The following GPD1L variants were observed in gnomAD, a reference collection of about 807,000 sequenced individuals.
GPD1L encodes the protein glycerol-3-phosphate dehydrogenase 1 like, also known as glycerol-3-phosphate dehydrogenase 1-like protein.
GPD1L carries 17 observed loss-of-function variants against 32.9 expected under a neutral mutation model. The ratio of observed to expected loss-of-function variants is 0.52; its 90% CI spans 0.35 to 0.78. GPD1L has a LOEUF of 0.78. Ranked by LOEUF, GPD1L falls within the 30% of genes least tolerant of loss-of-function variation. GPD1L has a pLI of 0.01. For synonymous variants in GPD1L, 187 were observed against 165.9 expected (o/e 1.13, Z -0.98); for missense variants, 361 against 447.8 (o/e 0.81, Z 1.75).
chr3:32,110,011 G>A (rs1374108817), intron 1 of GPD1L, among the ~76,000 whole-genome samples: 5 of 152,246 alleles, frequency 3.3e-5, no homozygotes, highest in Non-Finnish European at 4.4e-5. Context: ...TTCGCCTCGC[G>A]GGTTCACGCC....
In GPD1L at chr3:32,106,808, C is replaced by T. The variant is rs1473835466; in HGVS notation, c.47+50C>T. The T allele has an allele frequency of 1.3e-6, 2 of 1,527,824 alleles. No homozygotes were observed. The highest frequency in any genetic ancestry group is 4.0e-5 in the Admixed American group (2 of 50,626). The allele number at this position is 1,527,824 out of a possible 1,614,324, so 94.6% of individuals were successfully genotyped here. ...GGGGCTCCGCTTCCAGGAAGCGCCT[C>T]TCCCGGGCGGTGAGGGCTGCGCGCC... On this transcript the variant is annotated intron_variant, in intron 1 of 7. Coordinates refer to ENST00000282541, the MANE Select transcript of GPD1L (RefSeq NM_015141.4). The surrounding 1 kb of genome is among the most constrained non-coding windows in gnomAD (Gnocchi z 4.0).
At chr3:32,135,207 C>T (rs1252661882) in intron 2 of GPD1L, among the ~76,000 whole-genome samples, 1 of 152,116 alleles carries the variant, frequency 6.6e-6, no homozygotes, top group Non-Finnish European at 1.5e-5. Context: ...ACAGTAGGTC[C>T]AGAGGAATAG....
At position 32,128,273 on chromosome 3, in the gene GPD1L, T is replaced by A. The variant is rs375419819; in HGVS notation, c.225+20T>A. The A allele has an allele frequency of 1.6e-5, 26 of 1,600,448 alleles. No individual in the cohort carries two copies. The highest frequency in any genetic ancestry group is 1.3e-4 in the East Asian group (6 of 44,780). On this transcript the variant is annotated intron_variant, in intron 2 of 7. Transcript: ENST00000282541. Reference sequence around the variant, plus strand: ...AATGTGGTAAGACTTTGGGGTGAAATGTACATTGGTTCATTCTGCAAGTTG... The same window carrying A: ...AATGTGGTAAGACTTTGGGGTGAAAAGTACATTGGTTCATTCTGCAAGTTG...
chr3:32,122,016 G>A (rs1054990797), intron 1 of GPD1L, among the ~76,000 whole-genome samples: 9 of 151,842 alleles, frequency 5.9e-5, no homozygotes, highest in African/African-American at 1.5e-4. Flanking sequence ...TGATCTGCCC[G>A]CCTTGGCCTC....
intron 1 of GPD1L, among the ~76,000 whole-genome samples, chr3:32,118,049 T>A (rs549473987): frequency 6.6e-6 from 1 of 152,262 alleles, no homozygotes; most frequent in South Asian, 2.1e-4. Flanking sequence ...TTGAAGTAAG[T>A]ATCAACTAAA....
chr3:32,151,270 CTTAATATGCTCCATACACCCA>C, intron 5 of GPD1L: 1 of 591,620 alleles, frequency 1.7e-6, no homozygotes, highest in South Asian at 1.7e-5. Flanking sequence ...CAGCTCTTAG[CTTAATATGCTCCATACACCCA>C]TTAATTCTTG....
intron 1 of GPD1L, among the ~76,000 whole-genome samples, chr3:32,121,415 A>G (rs1270107023): frequency 6.6e-6 from 1 of 150,788 alleles, no homozygotes; most frequent in Non-Finnish European, 1.5e-5. Flanking sequence ...TAAGCCTCAG[A>G]GCTCCGCCCT....
rs116109542 is a variant in GPD1L, at chr3:32,109,882, C to T, written c.47+3124C>T. Among the ~76,000 whole-genome samples the T allele has an allele frequency of 5.7e-3, 867 of 152,344 alleles. 9 individuals carry two copies. Among genetic ancestry groups the T allele is most frequent in the African/African-American group, 0.02 (827 of 41,578 alleles). ...TGCCAAGTGGAATGGAGTAACTGCTCTGTTACACTTTAAATCGTGTTTCTT... is the reference window on the plus strand; with the variant it reads ...TGCCAAGTGGAATGGAGTAACTGCTTTGTTACACTTTAAATCGTGTTTCTT... On this transcript the variant is annotated intron_variant, in intron 1 of 7. Coordinates refer to ENST00000282541, the MANE Select transcript of GPD1L (RefSeq NM_015141.4).
chr3:32,159,226 G>A (rs555252364), intron 6 of GPD1L, 117 bp downstream of exon 6: 36 of 780,762 alleles, frequency 4.6e-5, no homozygotes, highest in African/African-American at 6.9e-5. Flanking sequence ...GGATTGTTCC[G>A]TTTGCCTGGC....
intron 1 of GPD1L, among the ~76,000 whole-genome samples, chr3:32,114,263 C>G (rs946050941): frequency 6.6e-6 from 1 of 152,214 alleles, no homozygotes; most frequent in Non-Finnish European, 1.5e-5. Flanking sequence ...CTTCAGCAGG[C>G]TAGCTTAGGC....
chr3:32,154,801 G>T (rs1416936840), intron 5 of GPD1L, among the ~76,000 whole-genome samples: 1 of 151,588 alleles, frequency 6.6e-6, no homozygotes, highest in Non-Finnish European at 1.5e-5. Context: ...AGGCTGGAGT[G>T]CAGTGGCATG....
Position 32,159,117 on chromosome 3 carries a change from C to G in GPD1L, c.852+8C>G. On this transcript the variant is annotated splice_region_variant and intron_variant, in intron 6 of 7. Coordinates refer to ENST00000282541, the MANE Select transcript of GPD1L (RefSeq NM_015141.4). ...TTCGCCAGAACTGGGAAGGTAGCCC[C>G]TCACCTGCTCTCCCGCACCCCCTCC... The G allele has an allele frequency of 6.3e-7, 1 of 1,599,166 alleles. No individual in the cohort carries two copies. Among genetic ancestry groups the G allele is most frequent in the Non-Finnish European group, 8.6e-7 (1 of 1,166,984 alleles).
In GPD1L at chr3:32,128,081, C is replaced by T; in HGVS notation, c.53C>T (p.Ser18Leu). ...TTCCACGATTTCTTTTGTAGGGGTTCAGCTGTTGCAAAAATAATTGGTAAT... is the reference window on the plus strand; with the variant it reads ...TTCCACGATTTCTTTTGTAGGGGTTTAGCTGTTGCAAAAATAATTGGTAAT... Reference protein sequence around the residue: ...VCIVGSGNWGSAVAKIIGNNV... With the variant: ...VCIVGSGNWGLAVAKIIGNNV... The change falls in exon 2 of 8, where the codon TCA (serine) becomes TTA (leucine). Residue 18 changes from serine to leucine, a missense_variant. Physicochemically the swap from Ser to Leu is moderately radical, Grantham distance 145. Coordinates refer to ENST00000282541, the MANE Select transcript of GPD1L (RefSeq NM_015141.4). The T allele has an allele frequency of 6.2e-7, 1 of 1,608,918 alleles. No individual in the cohort carries two copies. The highest frequency in any genetic ancestry group is 8.5e-7 in the Non-Finnish European group (1 of 1,175,560).
At chr3:32,112,953 C>G (rs1700273684) in intron 1 of GPD1L, among the ~76,000 whole-genome samples, 1 of 152,172 alleles carries the variant, frequency 6.6e-6, no homozygotes, top group African/African-American at 2.4e-5. Flanking sequence ...AAACCCAGAT[C>G]CTTTTAACCC....
intron 1 of GPD1L, among the ~76,000 whole-genome samples, chr3:32,123,240 G>C (rs1003919585): frequency 6.6e-6 from 1 of 152,082 alleles, no homozygotes; most frequent in Admixed American, 6.6e-5. Flanking sequence ...TACCACTATA[G>C]TAAATATCAC....
intron 2 of GPD1L, among the ~76,000 whole-genome samples, 169 bp from the exon 3 acceptor site, chr3:32,138,418 C>T (rs541219065): frequency 1.3e-5 from 2 of 152,250 alleles, no homozygotes; most frequent in East Asian, 3.9e-4. Flanking sequence ...CTGCTTCAGA[C>T]CCCCATAAGG....
intron 1 of GPD1L, among the ~76,000 whole-genome samples, chr3:32,124,838 C>T (rs1700484310): frequency 1.3e-5 from 2 of 152,064 alleles, no homozygotes; most frequent in Admixed American, 1.3e-4. Flanking sequence ...GGGATGATTC[C>T]CTTGAGCCTG....
intron 1 of GPD1L, among the ~76,000 whole-genome samples, chr3:32,119,632 T>G (rs896994806): frequency 6.6e-6 from 1 of 152,234 alleles, no homozygotes; most frequent in Non-Finnish European, 1.5e-5. Flanking sequence ...GGCATTTGGT[T>G]GTTCTTTAAA....
intron 1 of GPD1L, among the ~76,000 whole-genome samples, chr3:32,120,770 G>T (rs548059882): frequency 6.6e-6 from 1 of 152,168 alleles, no homozygotes; most frequent in Non-Finnish European, 1.5e-5. Context: ...TTCCCCCTTG[G>T]CATAATAAAT....
Sources: gnomAD v4.1 joint callset for allele counts (sites outside exome capture counted in the v4.1 genomes callset) on GRCh38, gnomAD v4.1.1 for gene constraint, Gnocchi (gnomAD v3.1) non-coding constraint, MANE v1.5 for transcripts, NCBI Gene and HGNC (gene_info 2026-07-23, HGNC 2026-07-21) for gene names.